Variants in PCDHA1 observed in about 807,000 individuals in gnomAD.
PCDHA1 encodes the protein protocadherin alpha-1.
Under a neutral mutation model 61.3 loss-of-function variants are expected in PCDHA1, and 42 were observed. That is an observed-to-expected ratio of 0.69 (90% confidence interval 0.54 to 0.89). The LOEUF (loss-of-function observed/expected upper bound fraction) is 0.89. Among genes scored for constraint, PCDHA1 ranks in the 40% least tolerant of loss-of-function variants. The pLI, the probability that PCDHA1 is intolerant of heterozygous loss-of-function variation, is 0.00. For missense variants in PCDHA1, 1,256 were observed against 1,235.3 expected, an observed-to-expected ratio of 1.02 and a Z score of -0.25; for synonymous variants, 610 against 553.8, an observed-to-expected ratio of 1.10 and a Z score of -1.43.
At chr5:140,802,715 C>T in intron 1 of PCDHA1, 1 of 1,612,562 alleles carries the variant, frequency 6.2e-7, no homozygotes, top group Non-Finnish European at 8.5e-7. Flanking sequence ...CGCTGTCGAG[C>T]TACGTGTCGG....
rs145391750 is a variant in PCDHA1, at chr5:140,989,649, A to G, written c.2542+7086A>G. On this transcript the variant is annotated intron_variant, in intron 3 of 3. Coordinates refer to ENST00000504120, the MANE Select transcript of PCDHA1 (RefSeq NM_018900.4). ...GTGACAGCAAGGGTCTTTCATGGCA[A>G]TATTTTAAAAGAAACTCTGCCCAGA... 1.8e-3 allele frequency among the ~76,000 whole-genome samples: 268 copies of G among 152,316 alleles called. 1 individual carries two copies. The highest frequency in any genetic ancestry group is 6.3e-3 in the African/African-American group (263 of 41,564).
At chr5:140,954,889 G>C (rs2095106564) in intron 1 of PCDHA1, among the ~76,000 whole-genome samples, 1 of 152,070 alleles carries the variant, frequency 6.6e-6, no homozygotes, top group East Asian at 1.9e-4. Flanking sequence ...TTCTTCTAGG[G>C]TTTTTATAGT....
At chr5:140,828,326 C>T (rs1554131212) in intron 1 of PCDHA1, 1 of 1,614,206 alleles carries the variant, frequency 6.2e-7, no homozygotes, top group Non-Finnish European at 8.5e-7. Flanking sequence ...GGAGGTAAAT[C>T]TGCAGAATGG....
chr5:140,835,635 G>C, intron 1 of PCDHA1: 1 of 1,613,914 alleles, frequency 6.2e-7, no homozygotes, highest in South Asian at 1.1e-5. Context: ...CCGCGAGAGT[G>C]TGTCCGCCTA....
chr5:140,920,118 T>A (rs1196076867), intron 1 of PCDHA1, among the ~76,000 whole-genome samples: 1 of 152,164 alleles, frequency 6.6e-6, no homozygotes, highest in Non-Finnish European at 1.5e-5. Context: ...CTTGCCAACA[T>A]CTTGAGTTTT....
intron 1 of PCDHA1, among the ~76,000 whole-genome samples, chr5:140,976,307 T>C (rs955106939): frequency 6.6e-6 from 1 of 152,100 alleles, no homozygotes; most frequent in African/African-American, 2.4e-5. Flanking sequence ...TCCCAGCACT[T>C]TGGGAGGCCG....
intron 1 of PCDHA1, chr5:140,869,367 T>G (rs2051076893): frequency 6.2e-7 from 1 of 1,614,002 alleles, no homozygotes; most frequent in South Asian, 1.1e-5. Context: ...TTGTGAATTC[T>G]CGGATCGACC....
At chr5:140,926,255 G>T (rs562420240) in intron 1 of PCDHA1, 1 of 152,224 alleles carries the variant, frequency 6.6e-6, no homozygotes, top group African/African-American at 2.4e-5. Flanking sequence ...TCACCGTCCC[G>T]CCTCTCGCCG....
In PCDHA1 at chr5:140,830,011, G is replaced by T. The variant is rs2150179426; in HGVS notation, c.2394+41327G>T. On this transcript the variant is annotated intron_variant, in intron 1 of 3. Coordinates refer to ENST00000504120, the MANE Select transcript of PCDHA1 (RefSeq NM_018900.4). ...GCACCACTCGTGTCCTGGACGAAGC[G>T]GACTCTCCGCGCCACCGGCTGCTGG... The T allele has an allele frequency of 1.1e-5, 17 of 1,613,912 alleles. No individual in the cohort carries two copies. In the East Asian group the frequency reaches 3.6e-4, roughly 34 times the overall value.
rs536608044 is a variant in PCDHA1 at position 140,809,816 on chromosome 5, T to C, written c.2394+21132T>C. On this transcript the variant is annotated intron_variant, in intron 1 of 3. Coordinates refer to ENST00000504120, the MANE Select transcript of PCDHA1 (RefSeq NM_018900.4). ...TGTAATTTCTAGTAAATTTTCACTATATTCACCCTCTTTGTTTTTGGTAAT... is the reference window on the plus strand; with the variant it reads ...TGTAATTTCTAGTAAATTTTCACTACATTCACCCTCTTTGTTTTTGGTAAT... 8 of 407,052 alleles carry C rather than the reference T, an allele frequency of 2.0e-5. No homozygotes were observed. The South Asian group carries it at 4.1e-4, about 21-fold the overall frequency. The allele number at this position is 407,052 out of a possible 1,614,324, so 25.2% of individuals were successfully genotyped here.
rs535622037 is a variant in PCDHA1 at position 140,926,265 on chromosome 5, G to T, written c.2395-52684G>T. The T allele has an allele frequency of 8.1e-3, 1,228 of 152,360 alleles. 6 individuals carry two copies. The highest frequency in any genetic ancestry group is 0.019 in the African/African-American group (792 of 41,548). 9.4% of individuals were successfully genotyped at this position (152,360 alleles called of 1,614,324 possible). ...CACGTTCACCGTCCCGCCTCTCGCC[G>T]CCTCCGCTCGGCAGCTCCACGCTGA... is the stretch of plus-strand genomic sequence containing the variant. On this transcript the variant is annotated intron_variant, in intron 1 of 3. Transcript: ENST00000504120.
intron 1 of PCDHA1, among the ~76,000 whole-genome samples, chr5:140,789,302 A>G (rs937340427): frequency 6.6e-6 from 1 of 152,060 alleles, no homozygotes; most frequent in Non-Finnish European, 1.5e-5. Flanking sequence ...ATACAAAAAC[A>G]TTGGCCAGGC....
In PCDHA1 at chr5:140,797,068, A is replaced by G. The variant is rs369236781; in HGVS notation, c.2394+8384A>G. Reference sequence around the variant, plus strand: ...GGTGGATGTCAACGTGTACCTGATCATCGCCATCTGCGCGGTATCCAGCCT... The same window carrying G: ...GGTGGATGTCAACGTGTACCTGATCGTCGCCATCTGCGCGGTATCCAGCCT... On this transcript the variant is annotated intron_variant, in intron 1 of 3. Coordinates refer to ENST00000504120, the MANE Select transcript of PCDHA1 (RefSeq NM_018900.4). 3.3e-5 allele frequency: 54 copies of G among 1,613,816 alleles called. 1 individual carries two copies. The Admixed American group carries it at 7.2e-4, about 21-fold the overall frequency.
intron 3 of PCDHA1, among the ~76,000 whole-genome samples, chr5:140,990,953 A>G (rs371951430): frequency 6.6e-6 from 1 of 152,194 alleles, no homozygotes; most frequent in Non-Finnish European, 1.5e-5. Flanking sequence ...GACTGTAGAA[A>G]TAGTCTCTTA....
chr5:140,923,508 G>C (rs570497442), intron 1 of PCDHA1, among the ~76,000 whole-genome samples: 1 of 152,222 alleles, frequency 6.6e-6, no homozygotes, highest in Non-Finnish European at 1.5e-5. Flanking sequence ...CAGCCTGGAT[G>C]ATGAAGTGAG....
chr5:140,837,666 T>C (rs1775190875), intron 1 of PCDHA1, among the ~76,000 whole-genome samples: 1 of 151,622 alleles, frequency 6.6e-6, no homozygotes, highest in African/African-American at 2.4e-5. Context: ...TTTCTTTCAT[T>C]CTTTTTCTTT....
chr5:140,823,558 G>A, intron 1 of PCDHA1: 2 of 1,613,898 alleles, frequency 1.2e-6, no homozygotes, highest in Non-Finnish European at 1.7e-6. Flanking sequence ...GAAGGTGCGC[G>A]CAGTGGACCC....
At chr5:140,929,189 A>G (rs782622519) in intron 1 of PCDHA1, 62 of 1,614,180 alleles carry the variant, frequency 3.8e-5, no homozygotes, top group Non-Finnish European at 4.7e-5. Flanking sequence ...GGTTCTGATA[A>G]TAACAGTTTG....
chr5:140,969,343 G>A (rs2096321775), intron 1 of PCDHA1: 23 of 1,613,728 alleles, frequency 1.4e-5, no homozygotes, highest in Non-Finnish European at 1.9e-5. Flanking sequence ...TGAGACAGTG[G>A]TCAGGGGGTC....
Sources: gnomAD v4.1 joint callset for allele counts (sites outside exome capture counted in the v4.1 genomes callset) on GRCh38, gnomAD v4.1.1 for gene constraint, MANE v1.5 for transcripts, NCBI Gene and HGNC (gene_info 2026-07-23, HGNC 2026-07-21) for gene names.